The following PLVAP variants were observed in gnomAD, a reference collection of about 807,000 sequenced individuals.
PLVAP encodes the protein plasmalemma vesicle associated protein.
In PLVAP, 34 loss-of-function variants were observed where a neutral mutation model predicts 43.1. The ratio of observed to expected loss-of-function variants is 0.79; its 90% CI spans 0.60 to 1.05. The LOEUF (loss-of-function observed/expected upper bound fraction) is 1.05. Among genes scored for constraint, PLVAP ranks in the 50% least tolerant of loss-of-function variants. The pLI, the probability that PLVAP is intolerant of heterozygous loss-of-function variation, is 0.00. For synonymous variants in PLVAP, 241 were observed against 237.3 expected (o/e 1.02, Z -0.14); for missense variants, 574 against 593.4 (o/e 0.97, Z 0.34).
intron 3 of PLVAP, among the ~76,000 whole-genome samples, chr19:17,363,121 T>A (rs1163087488): frequency 6.6e-6 from 1 of 152,192 alleles, no homozygotes; most frequent in African/African-American, 2.4e-5. Context: ...AGTGGGGATG[T>A]GTGCCAGTTT....
intron 4 of PLVAP, 37 bp from the exon 5 acceptor site, chr19:17,360,646 T>C: frequency 6.3e-7 from 1 of 1,594,420 alleles, no homozygotes; most frequent in Non-Finnish European, 8.6e-7. Flanking sequence ...ACCTACAGCT[T>C]CAGTTGCCCC....
At chr19:17,363,669 C>T (rs2074536815) in intron 3 of PLVAP, among the ~76,000 whole-genome samples, 1 of 151,554 alleles carries the variant, frequency 6.6e-6, no homozygotes, top group Non-Finnish European at 1.5e-5. Flanking sequence ...ACCTCCTGGG[C>T]TCAAGCAATC....
At chr19:17,365,222 C>A in intron 3 of PLVAP, 64 bp downstream of exon 3, 1 of 1,476,872 alleles carries the variant, frequency 6.8e-7, no homozygotes, top group South Asian at 1.3e-5. Context: ...TTCAAATCGC[C>A]ACCACCCTCT....
chr19:17,360,638 C>A, intron 4 of PLVAP, 29 bp from the exon 5 acceptor site: 1 of 1,599,788 alleles, frequency 6.3e-7, no homozygotes, highest in Middle Eastern at 1.7e-4. Context: ...GAGGCTTGAC[C>A]TACAGCTTCA....
Position 17,352,372 on chromosome 19 carries a change from G to C in PLVAP, c.1323-4C>G. 1 of 1,613,450 alleles carries C rather than the reference G, an allele frequency of 6.2e-7. No individual in the cohort carries two copies. Among genetic ancestry groups the C allele is most frequent in the Non-Finnish European group, 8.5e-7 (1 of 1,179,490 alleles). On this transcript the variant is annotated splice_region_variant and splice_polypyrimidine_tract_variant and intron_variant, in intron 5 of 5. Coordinates refer to ENST00000252590, the MANE Select transcript of PLVAP (RefSeq NM_031310.3). ...AGGCCTGGAGCCTCCTCAGCCACTA[G>C]GGCAGGAAGGGGATGGTAACACAAC...
chr19:17,373,624 C>G (rs935245900), intron 1 of PLVAP, among the ~76,000 whole-genome samples: 2 of 152,024 alleles, frequency 1.3e-5, no homozygotes, highest in Non-Finnish European at 2.9e-5. Context: ...GGAGAGAGCC[C>G]CACACCTGCT....
At chr19:17,376,520 G>A (rs536079154) in intron 1 of PLVAP, among the ~76,000 whole-genome samples, 1 of 152,128 alleles carries the variant, frequency 6.6e-6, no homozygotes, top group South Asian at 2.1e-4. Context: ...TCTATCGGCC[G>A]GGTGCAGTGG....
intron 1 of PLVAP, among the ~76,000 whole-genome samples, chr19:17,375,738 T>C (rs888962923): frequency 1.3e-5 from 2 of 151,908 alleles, no homozygotes; most frequent in African/African-American, 4.8e-5. Context: ...AAAAATTAGC[T>C]GGCATGGTTG....
In PLVAP at chr19:17,372,790, T is replaced by C. The variant is rs78441500; in HGVS notation, c.369+4130A>G. 7.8e-4 allele frequency among the ~76,000 whole-genome samples: 115 copies of C among 146,964 alleles called. No homozygotes were observed. The East Asian group carries it at 0.022, about 28-fold the overall frequency. On this transcript the variant is annotated intron_variant, in intron 1 of 5. Transcript: ENST00000252590. ...TTTTTAAATGAAAAGACAGGCCAGGTGCAGTGGCTCACACCTGTAATCCCA... is the reference window on the plus strand; with the variant it reads ...TTTTTAAATGAAAAGACAGGCCAGGCGCAGTGGCTCACACCTGTAATCCCA...
At chr19:17,374,257 G>C (rs956438350) in intron 1 of PLVAP, among the ~76,000 whole-genome samples, 3 of 152,170 alleles carry the variant, frequency 2.0e-5, no homozygotes, top group African/African-American at 7.2e-5. Context: ...ACAGGGTCAG[G>C]AGATCCAGAC....
intron 1 of PLVAP, among the ~76,000 whole-genome samples, chr19:17,371,310 C>T (rs1015869166): frequency 6.7e-6 from 1 of 150,158 alleles, no homozygotes; most frequent in Non-Finnish European, 1.5e-5. Context: ...TACAGGGGTG[C>T]ACCACCATGA....
At chr19:17,367,498 C>T (rs1222033973) in intron 1 of PLVAP, among the ~76,000 whole-genome samples, 1 of 152,098 alleles carries the variant, frequency 6.6e-6, no homozygotes, top group African/African-American at 2.4e-5. Context: ...AAGCGATTCT[C>T]CTGCCTCAGC....
intron 5 of PLVAP, among the ~76,000 whole-genome samples, chr19:17,357,197 A>G (rs2145718543): frequency 6.6e-6 from 1 of 152,170 alleles, no homozygotes; most frequent in Middle Eastern, 3.4e-3. Context: ...CAGGAGGCTG[A>G]GGCAGGACAA....
intron 5 of PLVAP, among the ~76,000 whole-genome samples, chr19:17,354,754 C>T (rs1454756478): frequency 3.3e-5 from 5 of 151,620 alleles, no homozygotes; most frequent in Admixed American, 6.6e-5. Flanking sequence ...AAAAATTAAC[C>T]GGGCGTGGTG....
chr19:17,367,314 C>T (rs1267341749), intron 1 of PLVAP, among the ~76,000 whole-genome samples: 1 of 151,782 alleles, frequency 6.6e-6, no homozygotes, highest in African/African-American at 2.4e-5. Context: ...TCCTGGGTTC[C>T]AGTGATTCTC....
intron 5 of PLVAP, among the ~76,000 whole-genome samples, chr19:17,352,609 G>C (rs1480875862): frequency 1.3e-5 from 2 of 152,054 alleles, no homozygotes; most frequent in Non-Finnish European, 2.9e-5. Context: ...AGACTGAGGT[G>C]TGTTCTTCCC....
intron 1 of PLVAP, among the ~76,000 whole-genome samples, chr19:17,371,281 C>G (rs1330155892): frequency 6.6e-6 from 1 of 150,760 alleles, no homozygotes; most frequent in Non-Finnish European, 1.5e-5. Flanking sequence ...CATGCCTCAG[C>G]CTCCCAAGTA....
chr19:17,368,166 A>G (rs999509114), intron 1 of PLVAP, among the ~76,000 whole-genome samples: 2 of 142,744 alleles, frequency 1.4e-5, no homozygotes, highest in African/African-American at 2.6e-5. Flanking sequence ...CCACCTCCCG[A>G]GTTCAAGTGA....
chr19:17,360,382 G>T, intron 5 of PLVAP, 146 bp downstream of exon 5: 2 of 797,630 alleles, frequency 2.5e-6, no homozygotes, highest in East Asian at 2.7e-5. Flanking sequence ...TGTCCCTCAC[G>T]CCCAACCATA....
Sources: allele counts gnomAD v4.1 joint callset (sites outside exome capture counted in the v4.1 genomes callset), GRCh38; gene constraint gnomAD v4.1.1; transcripts MANE v1.5; gene names NCBI Gene and HGNC (gene_info 2026-07-23, HGNC 2026-07-21).